Variants in TGFBR3 observed in about 807,000 individuals in gnomAD.
TGFBR3 encodes transforming growth factor beta receptor 3, also known as transforming growth factor beta receptor type 3.
Under a neutral mutation model 87.9 loss-of-function variants are expected in TGFBR3, and 46 were observed. The ratio of observed to expected loss-of-function variants is 0.52; its 90% CI spans 0.41 to 0.67. The LOEUF is 0.67. TGFBR3 is among the 30% of genes least tolerant of loss of function. TGFBR3 has a pLI of 0.00. For synonymous variants in TGFBR3, 381 were observed against 391.6 expected (o/e 0.97, Z 0.32); for missense variants, 866 against 1,041.9 (o/e 0.83, Z 2.32).
upstream of TGFBR3, among the ~76,000 whole-genome samples, chr1:91,890,409 C>CTTTTTTTTTTTTTTTTTTTTT (rs1175619952): frequency 3.3e-5 from 2 of 60,364 alleles, no homozygotes; most frequent in Non-Finnish European, 5.5e-5. Context: ...TCTCTATAAT[C>CTTTTTTTTTTTTTTTTTTTTT]TTTTTTTTTT....
chr1:91,840,020 C>T (rs1037200858), intron 2 of TGFBR3, among the ~76,000 whole-genome samples: 1 of 151,904 alleles, frequency 6.6e-6, no homozygotes, highest in Non-Finnish European at 1.5e-5. Flanking sequence ...TTAAAAATCA[C>T]TTGCTCTGGC....
chr1:91,804,767 C>A (rs1424319073), intron 2 of TGFBR3, among the ~76,000 whole-genome samples: 1 of 152,340 alleles, frequency 6.6e-6, no homozygotes, highest in Non-Finnish European at 1.5e-5. Flanking sequence ...GGAGCTGCTA[C>A]TGTAGGCCCT....
chr1:91,700,499 G>A (rs1380440343), intron 14 of TGFBR3, among the ~76,000 whole-genome samples: 1 of 152,224 alleles, frequency 6.6e-6, no homozygotes, highest in African/African-American at 2.4e-5. Flanking sequence ...GGCTCTAGGG[G>A]AAGGAATGCT....
intron 4 of TGFBR3, among the ~76,000 whole-genome samples, chr1:91,753,390 CAAAAAAAAAA>C (rs71586711): frequency 3.8e-5 from 2 of 52,354 alleles, no homozygotes; most frequent in Non-Finnish European, 6.3e-5. Context: ...ACTCTGTCCT[CAAAAAAAAAA>C]AAAAAAAAAA....
At position 91,861,572 on chromosome 1, in the gene TGFBR3, C is replaced by A; in HGVS notation, c.-41G>T. The A allele has an allele frequency of 2.0e-6, 3 of 1,506,132 alleles. No individual in the cohort carries two copies. Among genetic ancestry groups the A allele is most frequent in the Non-Finnish European group, 2.8e-6 (3 of 1,081,902 alleles). 93.3% of individuals were successfully genotyped at this position (1,506,132 alleles called of 1,614,324 possible). A position where few individuals can be genotyped will look rare whatever the true frequency, so the allele number is the denominator to read the frequency against. ...AGTGCGTCTCGTCCAGTCACTTCAGCCTGCTCAGAGCACAGACAATCTTTG... is the reference window on the plus strand; with the variant it reads ...AGTGCGTCTCGTCCAGTCACTTCAGACTGCTCAGAGCACAGACAATCTTTG... On this transcript the variant is annotated 5_prime_UTR_variant, in exon 2 of 17. Transcript: ENST00000212355.
intron 3 of TGFBR3, chr1:91,786,359 G>C (rs1209038869): frequency 2.5e-6 from 1 of 407,744 alleles, no homozygotes; most frequent in Non-Finnish European, 4.9e-6. Context: ...GACCAGTTAA[G>C]GAGGCTCCAG....
intron 14 of TGFBR3, among the ~76,000 whole-genome samples, chr1:91,699,828 G>C (rs147758269): frequency 1.5e-3 from 231 of 152,276 alleles, no homozygotes; most frequent in Non-Finnish European, 2.2e-3. Flanking sequence ...CCCTAGCTGG[G>C]GAAGCACTGA....
rs542758717 is a variant in TGFBR3, at chr1:91,753,614, C to A, written c.384+4999G>T. On this transcript the variant is annotated intron_variant, in intron 4 of 16. Transcript: ENST00000212355. Reference sequence around the variant, plus strand: ...ATTAGTAGTCATTCCCCATTTTCCCCTCCCATCAGCCCCTGGCAATTACTA... The same window carrying A: ...ATTAGTAGTCATTCCCCATTTTCCCATCCCATCAGCCCCTGGCAATTACTA... Among the ~76,000 whole-genome samples the A allele has an allele frequency of 9.9e-5, 15 of 152,224 alleles. No individual in the cohort carries two copies. The South Asian group carries it at 2.7e-3, about 27-fold the overall frequency.
chr1:91,861,780 A>G, intron 1 of TGFBR3, 136 bp from the exon 2 acceptor site: 2 of 525,354 alleles, frequency 3.8e-6, no homozygotes, highest in South Asian at 2.1e-5. Context: ...CACTCAAGCA[A>G]ACTAGACTGA....
chr1:91,755,336 G>A (rs1557694077), intron 4 of TGFBR3, among the ~76,000 whole-genome samples: 1 of 152,034 alleles, frequency 6.6e-6, no homozygotes, highest in Non-Finnish European at 1.5e-5. Flanking sequence ...AAGGAGAGTG[G>A]CCCAGCTTGT....
intron 2 of TGFBR3, among the ~76,000 whole-genome samples, chr1:91,801,723 G>C (rs1675635176): frequency 6.6e-6 from 1 of 152,050 alleles, no homozygotes; most frequent in African/African-American, 2.4e-5. Context: ...TTGGGAGAGG[G>C]AGGCAATGCT....
At chr1:91,721,805 G>A in intron 8 of TGFBR3, 150 bp downstream of exon 8, 2 of 703,150 alleles carry the variant, frequency 2.8e-6, no homozygotes, top group Non-Finnish European at 2.3e-6. Context: ...TCTCTGTCTA[G>A]GTAATTTTAA....
At chr1:91,817,804 A>G (rs1009262650) in intron 2 of TGFBR3, among the ~76,000 whole-genome samples, 9 of 151,906 alleles carry the variant, frequency 5.9e-5, no homozygotes, top group African/African-American at 2.2e-4. Flanking sequence ...TTGGTGCGCT[A>G]TGAGGCAAAT....
At chr1:91,801,083 CAAAA>C (rs55862227) in intron 2 of TGFBR3, 256 of 139,210 alleles carry the variant, frequency 1.8e-3, no homozygotes, top group South Asian at 6.4e-3. Context: ...AACTCTGTCT[CAAAA>C]AAAAAAAAAA....
intron 4 of TGFBR3, among the ~76,000 whole-genome samples, chr1:91,738,456 T>C (rs1453684951): frequency 6.6e-6 from 1 of 152,182 alleles, no homozygotes; most frequent in Non-Finnish European, 1.5e-5. Flanking sequence ...ATAAGTGAAC[T>C]CTCGTCTTGA....
At chr1:91,727,560 T>C (rs2100803058) in intron 7 of TGFBR3, 99 bp downstream of exon 7, 4 of 1,477,694 alleles carry the variant, frequency 2.7e-6, no homozygotes, top group Non-Finnish European at 3.8e-6. Context: ...GCTTAGAGAG[T>C]CCAAAGAGGC....
chr1:91,799,454 C>T (rs2101010666), intron 2 of TGFBR3, among the ~76,000 whole-genome samples: 1 of 152,294 alleles, frequency 6.6e-6, no homozygotes, highest in Non-Finnish European at 1.5e-5. Context: ...CCTCATCCTG[C>T]CCTCCTGGCC....
chr1:91,717,944 A>C (rs1672233427), intron 10 of TGFBR3, among the ~76,000 whole-genome samples: 1 of 151,456 alleles, frequency 6.6e-6, no homozygotes, highest in African/African-American at 2.4e-5. Flanking sequence ...CTTGGACCCC[A>C]GTTTTAAAAT....
At position 91,767,934 on chromosome 1, in the gene TGFBR3, C is replaced by T. The variant is rs1322151876; in HGVS notation, c.247-9184G>A. Among the ~76,000 whole-genome samples, 5 of 151,614 alleles carry T rather than the reference C, an allele frequency of 3.3e-5. No individual in the cohort carries two copies. In the South Asian group the frequency reaches 8.4e-4, roughly 25 times the overall value. ...CTCTTTAAGATGACTTTGTGTTGGC[C>T]GGGTGCAGTGACTCATGCCTGTAAT... is the stretch of plus-strand genomic sequence containing the variant. On this transcript the variant is annotated intron_variant, in intron 3 of 16. Coordinates refer to ENST00000212355, the MANE Select transcript of TGFBR3 (RefSeq NM_003243.5).
Sources: allele counts gnomAD v4.1 joint callset (sites outside exome capture counted in the v4.1 genomes callset), GRCh38; gene constraint gnomAD v4.1.1; transcripts MANE v1.5; gene names NCBI Gene and HGNC (gene_info 2026-07-23, HGNC 2026-07-21).